Variants in EPHA7 observed in about 807,000 individuals in gnomAD.
The protein encoded by EPHA7 is EPH receptor A7, also known as ephrin type-A receptor 7.
In EPHA7, 25 loss-of-function variants were observed where a neutral mutation model predicts 112.6. The observed-to-expected ratio is 0.22, with a 90% CI of 0.16 to 0.31. The LOEUF (loss-of-function observed/expected upper bound fraction) is 0.31. Among genes scored for constraint, EPHA7 ranks in the 10% least tolerant of loss-of-function variants. The probability of loss-of-function intolerance (pLI) is 1.00; values close to 1 mark genes in which losing one functional copy is unlikely to be tolerated. For synonymous variants in EPHA7, 437 were observed against 406.5 expected (o/e 1.07, Z -0.90); for missense variants, 962 against 1,212.6 (o/e 0.79, Z 3.07).
intron 3 of EPHA7, among the ~76,000 whole-genome samples, chr6:93,363,783 AT>A (rs779407080): frequency 6.6e-6 from 1 of 152,230 alleles, no homozygotes; most frequent in Non-Finnish European, 1.5e-5. Flanking sequence ...TAGTGGAATT[AT>A]TTGTAATAGC....
intron 3 of EPHA7, among the ~76,000 whole-genome samples, chr6:93,377,706 TAA>T (rs1364167526): frequency 6.6e-6 from 1 of 152,050 alleles, no homozygotes; most frequent in African/African-American, 2.4e-5. Context: ...GCAGAAAACT[TAA>T]AAGTTTCTAC....
rs545121548 is a variant in EPHA7 at position 93,299,824 on chromosome 6, G to C, written c.1325-27402C>G. 3.9e-5 allele frequency among the ~76,000 whole-genome samples: 6 copies of C among 152,296 alleles called. No individual in the cohort carries two copies. The East Asian group carries it at 1.2e-3, about 29-fold the overall frequency. On this transcript the variant is annotated intron_variant, in intron 5 of 16. Coordinates refer to ENST00000369303, the MANE Select transcript of EPHA7 (RefSeq NM_004440.4). ...AAGAATGAGATCACGTCTTTTGCAG[G>C]AACTTGGATGGAGCTGGAGGACTTT... is the stretch of plus-strand genomic sequence containing the variant.
chr6:93,294,062 AG>A (rs1772526218), intron 5 of EPHA7, among the ~76,000 whole-genome samples: 1 of 152,148 alleles, frequency 6.6e-6, no homozygotes, highest in African/African-American at 2.4e-5. Flanking sequence ...GGAAAGATAA[AG>A]CCCAATTTAC....
intron 9 of EPHA7, among the ~76,000 whole-genome samples, chr6:93,260,318 T>G (rs1256361892): frequency 1.3e-5 from 2 of 151,822 alleles, no homozygotes; most frequent in African/African-American, 4.8e-5. Flanking sequence ...AAAATCTTCT[T>G]AAAATGCACC....
chr6:93,359,337 T>C (rs1207770756), intron 3 of EPHA7, among the ~76,000 whole-genome samples: 2 of 151,296 alleles, frequency 1.3e-5, no homozygotes, highest in Non-Finnish European at 3.0e-5. Flanking sequence ...TAGCAAGTTA[T>C]TTTTACATTA....
intron 5 of EPHA7, among the ~76,000 whole-genome samples, chr6:93,329,094 G>T (rs1774462025): frequency 2.0e-5 from 3 of 151,244 alleles, no homozygotes; most frequent in Admixed American, 6.6e-5. Context: ...GTGATGTAGG[G>T]TATTTTTTTC....
chr6:93,401,919 G>T (rs1000413367), intron 3 of EPHA7, among the ~76,000 whole-genome samples: 23 of 151,902 alleles, frequency 1.5e-4, no homozygotes, highest in African/African-American at 5.6e-4. Context: ...ATATTTCATA[G>T]ATTAGTGGTT....
intron 5 of EPHA7, among the ~76,000 whole-genome samples, chr6:93,310,951 T>C (rs1370481002): frequency 6.6e-6 from 1 of 151,834 alleles, no homozygotes; most frequent in Non-Finnish European, 1.5e-5. Flanking sequence ...AACATGTCTC[T>C]CTGGCACGTG....
At chr6:93,369,217 C>A (rs1329930244) in intron 3 of EPHA7, among the ~76,000 whole-genome samples, 1 of 136,892 alleles carries the variant, frequency 7.3e-6, no homozygotes, top group African/African-American at 2.7e-5. Context: ...CACACACACA[C>A]TTGCAAGATA....
Position 93,243,430 on chromosome 6 carries a change from A to G in EPHA7, c.2993T>C (p.Val998Ala). ...MLHLHGTGIQ[V>A] is the part of the protein sequence containing the mutation. ...CTTAAAAGGGAGAAATGCATATCAC[A>G]CTTGAATGCCAGTTCCATGTAAATG... The change falls in exon 17 of 17, where the codon GTG (valine) becomes GCG (alanine). Residue 998 changes from valine (V) to alanine (A), a missense_variant. Val to Ala is a moderately conservative substitution (Grantham distance 64). Coordinates refer to ENST00000369303, the MANE Select transcript of EPHA7 (RefSeq NM_004440.4). The G allele has an allele frequency of 6.2e-7, 1 of 1,611,190 alleles. No individual in the cohort carries two copies. Among genetic ancestry groups the G allele is most frequent in the Non-Finnish European group, 8.5e-7 (1 of 1,177,614 alleles).
intron 3 of EPHA7, among the ~76,000 whole-genome samples, chr6:93,391,996 G>A (rs532481028): frequency 6.6e-6 from 1 of 151,840 alleles, no homozygotes; most frequent in Non-Finnish European, 1.5e-5. Context: ...AAATAAAATG[G>A]AATAATCTAA....
chr6:93,265,554 T>C (rs1770893095), intron 7 of EPHA7, among the ~76,000 whole-genome samples: 1 of 151,718 alleles, frequency 6.6e-6, no homozygotes, highest in Non-Finnish European at 1.5e-5. Context: ...AAGTTTTATT[T>C]ATATGATGAT....
At chr6:93,387,962 G>GATAGATAGA (rs1777708046) in intron 3 of EPHA7, among the ~76,000 whole-genome samples, 1 of 151,670 alleles carries the variant, frequency 6.6e-6, no homozygotes, top group Non-Finnish European at 1.5e-5. Context: ...TAGATAGATA[G>GATAGATAGA]ATAGATAGAT....
chr6:93,370,862 T>C (rs1776754433), intron 3 of EPHA7, among the ~76,000 whole-genome samples: 1 of 151,630 alleles, frequency 6.6e-6, no homozygotes, highest in Non-Finnish European at 1.5e-5. Flanking sequence ...AAAAGCACAG[T>C]CGGCAAGGCG....
Position 93,245,478 on chromosome 6 carries a change from C to G in EPHA7, c.2727-25G>C, listed in dbSNP as rs551033335. The G allele has an allele frequency of 2.5e-6, 4 of 1,597,804 alleles. No individual in the cohort carries two copies. In the Admixed American group the frequency reaches 7.1e-5, roughly 28 times the overall value. ...CCTAGATAAAAATGAAACAGAAAAGCGAACATTATCCTGAAATACCAAAGA... is the reference window on the plus strand; with the variant it reads ...CCTAGATAAAAATGAAACAGAAAAGGGAACATTATCCTGAAATACCAAAGA... On this transcript the variant is annotated intron_variant, in intron 15 of 16. Coordinates refer to ENST00000369303, the MANE Select transcript of EPHA7 (RefSeq NM_004440.4).
intron 10 of EPHA7, among the ~76,000 whole-genome samples, 166 bp from the exon 11 acceptor site, chr6:93,258,450 A>G (rs905956671): frequency 6.6e-6 from 1 of 151,986 alleles, no homozygotes; most frequent in Non-Finnish European, 1.5e-5. Flanking sequence ...TACACTGAAT[A>G]CATTCCCATA....
At chr6:93,265,232 A>C (rs1770875459) in intron 7 of EPHA7, among the ~76,000 whole-genome samples, 1 of 151,742 alleles carries the variant, frequency 6.6e-6, no homozygotes, top group South Asian at 2.1e-4. Flanking sequence ...AATTCAGGAA[A>C]AAGATGAGCC....
chr6:93,264,557 A>T (rs1393266665), intron 8 of EPHA7, 37 bp downstream of exon 8: 7 of 1,339,808 alleles, frequency 5.2e-6, no homozygotes, highest in Non-Finnish European at 7.4e-6. Context: ...AAAACAATAC[A>T]TTTTATGTTA....
chr6:93,396,304 T>C (rs1415926836), intron 3 of EPHA7, among the ~76,000 whole-genome samples: 1 of 151,944 alleles, frequency 6.6e-6, no homozygotes, highest in Non-Finnish European at 1.5e-5. Flanking sequence ...CTAGTCATTT[T>C]ATATAAACTG....
Sources: gnomAD v4.1 joint callset for allele counts (sites outside exome capture counted in the v4.1 genomes callset) on GRCh38, gnomAD v4.1.1 for gene constraint, MANE v1.5 for transcripts, NCBI Gene and HGNC (gene_info 2026-07-23, HGNC 2026-07-21) for gene names.